The following RIF1 variants were observed in gnomAD, a reference collection of about 807,000 sequenced individuals.
RIF1 encodes replication timing regulatory factor 1.
RIF1 carries 45 observed loss-of-function variants against 247.1 expected under a neutral mutation model. That is an observed-to-expected ratio of 0.18 (90% confidence interval 0.14 to 0.23). The LOEUF (loss-of-function observed/expected upper bound fraction) is 0.23, where lower values mean the gene tolerates loss of function less well. RIF1 is among the 10% of genes least tolerant of loss of function. The pLI is 1.00. For synonymous variants in RIF1, 1,087 were observed against 978.8 expected (o/e 1.11, Z -2.06); for missense variants, 2,967 against 2,862.5 (o/e 1.04, Z -0.83).
chr2:151,422,934 T>G lies in RIF1; in HGVS notation c.694-16T>G. 7.4e-7 allele frequency: 1 copy of G among 1,344,824 alleles called. No homozygotes were observed. The highest frequency in any genetic ancestry group is 2.3e-5 in the East Asian group (1 of 43,284). 83.3% of individuals were successfully genotyped at this position (1,344,824 alleles called of 1,614,324 possible). On this transcript the variant is annotated splice_polypyrimidine_tract_variant and intron_variant, in intron 7 of 35. Coordinates refer to ENST00000444746, the MANE Select transcript of RIF1 (RefSeq NM_018151.5). ...TCTAAGAGTCTGTTTGGTAAATTAA[T>G]TGCTTTTGTTTGCAGAAATTAATCT...
rs1691378261 is a variant in RIF1, at chr2:151,437,142, A to T, written c.1373-99A>T. 2.4e-6 allele frequency: 3 copies of T among 1,226,144 alleles called. No homozygotes were observed. The African/African-American group carries it at 4.6e-5, about 19-fold the overall frequency. The allele number at this position is 1,226,144 out of a possible 1,614,324, so 76.0% of individuals were successfully genotyped here. A position where few individuals can be genotyped will look rare whatever the true frequency, so the allele number is the denominator to read the frequency against. On this transcript the variant is annotated intron_variant, in intron 12 of 35. Coordinates refer to ENST00000444746, the MANE Select transcript of RIF1 (RefSeq NM_018151.5). ...GAAATATGAATCTTTTTTTTATAGA[A>T]AACACACCTACTTAATAGACATTTT...
Position 151,480,941 on chromosome 2 carries a change from T to C in RIF1, c.*5870T>C, listed in dbSNP as rs979515991. On this transcript the variant is annotated 3_prime_UTR_variant, in exon 36 of 36. Coordinates refer to ENST00000444746, the MANE Select transcript of RIF1 (RefSeq NM_018151.5). ...CTATCTGTGAGCTGAGACTGGTTTT[T>C]ACATTTTTTAATGGTGAAAAAAGTC... The C allele has an allele frequency of 6.9e-6, 1 of 145,450 alleles. No homozygotes were observed. Among genetic ancestry groups the C allele is most frequent in the Non-Finnish European group, 1.5e-5 (1 of 66,144 alleles). The allele number at this position is 145,450 out of a possible 1,614,324, so 9.0% of individuals were successfully genotyped here.
rs1207741374 is a variant in RIF1, at chr2:151,457,756, C to T, written c.2653-5C>T. ...GTTTTGCTTTTATTTTTTCGTTTTT[C>T]CTAGTTAGAAAAGCTACTGGGAGAA... On this transcript the variant is annotated splice_polypyrimidine_tract_variant and splice_region_variant and intron_variant, in intron 23 of 35. Coordinates refer to ENST00000444746, the MANE Select transcript of RIF1 (RefSeq NM_018151.5). 3.1e-6 allele frequency: 5 copies of T among 1,608,262 alleles called. No individual in the cohort carries two copies. The highest frequency in any genetic ancestry group is 4.2e-6 in the Non-Finnish European group (5 of 1,177,464).
At chr2:151,502,842 A>G in intron 11 of RIF1, 1 of 1,608,992 alleles carries the variant, frequency 6.2e-7, no homozygotes, top group South Asian at 1.1e-5. Flanking sequence ...CTCTGGAGTG[A>G]TAGGTGTTGG....
intron 3 of RIF1, among the ~76,000 whole-genome samples, chr2:151,414,599 A>C (rs577041974): frequency 1.3e-5 from 2 of 152,270 alleles, no homozygotes; most frequent in East Asian, 3.9e-4. Context: ...CTTTATCTTC[A>C]TTCAGGTGAT....
At chr2:151,519,335 G>C in the RIF1 span, among the ~76,000 whole-genome samples, 31 of 152,164 alleles carry the variant, frequency 2.0e-4, no homozygotes, top group Non-Finnish European at 1.5e-5. Context: ...AACATGGATG[G>C]ACCTTGAACA....
chr2:151,491,555 T>C, intron 9 of RIF1: 1 of 786,484 alleles, frequency 1.3e-6, no homozygotes, highest in South Asian at 1.6e-5. Flanking sequence ...GGTATTTTTA[T>C]GCCAAATGGG....
Position 151,476,091 on chromosome 2 carries a change from T to A in RIF1, c.*1020T>A, listed in dbSNP as rs1308916036. ...AGAAAATGTTACACAACTTTGCTGT[T>A]CATACCCTTACCTTCTTACTACTTT... On this transcript the variant is annotated 3_prime_UTR_variant, in exon 36 of 36. Transcript: ENST00000444746. 6.6e-6 allele frequency: 1 copy of A among 152,174 alleles called. No homozygotes were observed. Among genetic ancestry groups the A allele is most frequent in the Non-Finnish European group, 1.5e-5 (1 of 68,002 alleles). 9.4% of individuals were successfully genotyped at this position (152,174 alleles called of 1,614,324 possible).
Position 151,462,451 on chromosome 2 carries a change from TA to T in RIF1, c.3350del (p.Lys1117ArgfsTer2). ...TAACCAGAAAACCAAAGGAGGATTC[TA>T]AGATGATGATTACGGTATGTTTGAC... is the stretch of plus-strand genomic sequence containing the variant. ...TLTRKPKEDS[K>X]MMITEEQMDS... On this transcript the variant is annotated frameshift_variant, in exon 29 of 36. Transcript: ENST00000444746. LOFTEE classifies it high-confidence loss of function. The T allele has an allele frequency of 6.4e-7, 1 of 1,564,318 alleles. No homozygotes were observed. Among genetic ancestry groups the T allele is most frequent in the Non-Finnish European group, 8.7e-7 (1 of 1,152,956 alleles).
intron 25 of RIF1, 43 bp from the exon 26 acceptor site, chr2:151,459,957 T>C: frequency 7.0e-7 from 1 of 1,438,368 alleles, no homozygotes; most frequent in South Asian, 1.4e-5. Flanking sequence ...AGCAAAATAT[T>C]ACCGTTCTAT....
intron 21 of RIF1, among the ~76,000 whole-genome samples, chr2:151,454,598 A>G (rs938358409): frequency 6.6e-5 from 10 of 152,202 alleles, no homozygotes; most frequent in African/African-American, 2.4e-4. Flanking sequence ...ATGTAAAATT[A>G]AAGTTTGAGA....
At chr2:151,468,281 G>A (rs566956107) in intron 31 of RIF1, 135 bp downstream of exon 31, 17 of 932,976 alleles carry the variant, frequency 1.8e-5, no homozygotes, top group Non-Finnish European at 2.5e-5. Context: ...TCTGGTACAC[G>A]GTAAGCAGAA....
chr2:151,457,851 C>G lies in RIF1; in HGVS notation c.2743C>G (p.Leu915Val). The part of the protein sequence containing the change: ...DSELLEQLSP[L>V]LCIIFLHKNK... ...TGAACTTCTTGAACAACTCTCCCCA[C>G]TATTATGCATAATATTTCTGCACAA... Residue 915 changes from leucine (L) to valine (V), a missense_variant, in exon 24 of 36, where the codon CTA (leucine) becomes GTA (valine). Transcript: ENST00000444746. 1 of 1,613,514 alleles carries G rather than the reference C, an allele frequency of 6.2e-7. No individual in the cohort carries two copies.
chr2:151,460,890 C>T (rs946102439), intron 26 of RIF1, among the ~76,000 whole-genome samples: 3 of 152,144 alleles, frequency 2.0e-5, no homozygotes, highest in Non-Finnish European at 4.4e-5. Context: ...CGGTTTTGTC[C>T]ATACTTTGTA....
At chr2:151,473,842 T>TGGTA in intron 34 of RIF1, 122 bp from the exon 35 acceptor site, 4 of 669,362 alleles carry the variant, frequency 6.0e-6, no homozygotes, top group Non-Finnish European at 1.1e-5. Flanking sequence ...TTGTGATGGG[T>TGGTA]GGTAGAACAT....
downstream of RIF1, chr2:151,486,557 C>T (rs573399302): frequency 2.6e-5 from 4 of 152,374 alleles, no homozygotes; most frequent in South Asian, 4.1e-4. Context: ...CATCCATGTC[C>T]GTAGCAGCAT....
chr2:151,435,340 TG>T, intron 10 of RIF1, 122 bp from the exon 11 acceptor site: 1 of 651,694 alleles, frequency 1.5e-6, no homozygotes. Context: ...TGTTTGTGCA[TG>T]GAAACGATCT....
rs759730721 is a variant in RIF1, at chr2:151,458,806, T to C, written c.2856-5T>C. The C allele has an allele frequency of 5.7e-6, 9 of 1,578,880 alleles. No homozygotes were observed. The highest frequency in any genetic ancestry group is 5.2e-6 in the Non-Finnish European group (6 of 1,153,868). Reference sequence around the variant, plus strand: ...AAGGTATATATTTTATGTACTTTTTTAAAGACCAGTACTAACACAAGCCAA... The same window carrying C: ...AAGGTATATATTTTATGTACTTTTTCAAAGACCAGTACTAACACAAGCCAA... On this transcript the variant is annotated splice_region_variant and splice_polypyrimidine_tract_variant and intron_variant, in intron 24 of 35. Coordinates refer to ENST00000444746, the MANE Select transcript of RIF1 (RefSeq NM_018151.5).
At position 151,465,000 on chromosome 2, in the gene RIF1, T is replaced by A. The variant is rs773348080; in HGVS notation, c.5480T>A (p.Leu1827His). 3 of 1,577,444 alleles carry A rather than the reference T, an allele frequency of 1.9e-6. No homozygotes were observed. The highest frequency in any genetic ancestry group is 2.6e-6 in the Non-Finnish European group (3 of 1,169,368). ...AAAGAAAACACTATGCAAGAATCTCTTCCTTCTGGAATAGTAAACTTTAGA... is the reference window on the plus strand; with the variant it reads ...AAAGAAAACACTATGCAAGAATCTCATCCTTCTGGAATAGTAAACTTTAGA... Reference protein sequence around the residue: ...KSKENTMQESLPSGIVNFREE... With the variant: ...KSKENTMQESHPSGIVNFREE... Residue 1827 changes from leucine to histidine, a missense_variant, in exon 30 of 36, where the codon CTT becomes CAT. By Grantham distance (99) the Leu-to-His change is moderately conservative (BLOSUM62 -3). Around this residue, in one of 7 missense-constraint regions of RIF1, gnomAD observed 2,028 missense variants for 1,825.6 expected, o/e 1.11. Transcript: ENST00000444746.
Sources: gnomAD v4.1 joint callset for allele counts (sites outside exome capture counted in the v4.1 genomes callset) on GRCh38, gnomAD v4.1.1 for gene constraint, gnomAD v4.1.1 regional missense constraint, MANE v1.5 for transcripts, NCBI Gene and HGNC (gene_info 2026-07-23, HGNC 2026-07-21) for gene names.